NLK: variants seen among roughly 807,000 people sequenced by gnomAD.
The protein encoded by NLK is nemo like kinase, also known as serine/threonine-protein kinase NLK.
NLK carries 11 observed loss-of-function variants against 59.0 expected under a neutral mutation model. The observed-to-expected ratio is 0.19, with a 90% confidence interval of 0.12 to 0.31. The LOEUF (loss-of-function observed/expected upper bound fraction) is 0.31. Among genes scored for constraint, NLK ranks in the 10% least tolerant of loss-of-function variants. The pLI is 1.00. For missense variants in NLK, 410 were observed against 661.1 expected (o/e 0.62, Z 4.16); for synonymous variants, 235 against 235.9 (o/e 1.00, Z 0.03).
At chr17:28,132,872 T>C (rs949984293) in intron 3 of NLK, among the ~76,000 whole-genome samples, 197 bp downstream of exon 3, 4 of 152,216 alleles carry the variant, frequency 2.6e-5, no homozygotes, top group Admixed American at 2.6e-4. Flanking sequence ...TGTGTGGTGA[T>C]GCCACAGAAC....
chr17:28,203,276 G>A, the NLK span, among the ~76,000 whole-genome samples: 39 of 151,876 alleles, frequency 2.6e-4, no homozygotes, highest in African/African-American at 9.4e-4. Context: ...ACAGTACTGG[G>A]ATTACAGGCA....
intron 1 of NLK, among the ~76,000 whole-genome samples, chr17:28,065,268 C>T (rs560608068): frequency 7.9e-5 from 12 of 151,966 alleles, no homozygotes; most frequent in African/African-American, 2.9e-4. Flanking sequence ...TTTTTCTAGG[C>T]AGTGTAGGCC....
rs149290471 is a variant in NLK at position 28,139,623 on chromosome 17, A to G, written c.644+6948A>G. On this transcript the variant is annotated intron_variant, in intron 3 of 10. Transcript: ENST00000407008. ...GGATGAATACAAAGATGCATTGTTCATTTATTTAATTTTTTTAAAAATGTA... is the reference window on the plus strand; with the variant it reads ...GGATGAATACAAAGATGCATTGTTCGTTTATTTAATTTTTTTAAAAATGTA... Among the ~76,000 whole-genome samples, 536 of 152,338 alleles carry G rather than the reference A, an allele frequency of 3.5e-3. 4 individuals are homozygous for G. Among genetic ancestry groups the G allele is most frequent in the South Asian group, 7.0e-3 (34 of 4,832 alleles).
chr17:28,160,952 A>G (rs887812497), intron 3 of NLK, among the ~76,000 whole-genome samples: 7 of 152,270 alleles, frequency 4.6e-5, no homozygotes, highest in African/African-American at 1.7e-4. Flanking sequence ...TTGGTCGTTT[A>G]CTTCTGCTGA....
At chr17:28,153,348 G>T (rs1907567049) in intron 3 of NLK, among the ~76,000 whole-genome samples, 1 of 151,630 alleles carries the variant, frequency 6.6e-6, no homozygotes, top group Non-Finnish European at 1.5e-5. Context: ...ACCATAAACT[G>T]GGTGGTTTAT....
chr17:28,077,073 C>CTTTTTTTTTTTTTTTTTTTTTTTTTTTT (rs35639099), intron 1 of NLK, among the ~76,000 whole-genome samples: 33 of 42,492 alleles, frequency 7.8e-4, no homozygotes, highest in Non-Finnish European at 9.5e-4. Flanking sequence ...CTCTTTCTTT[C>CTTTTTTTTTTTTTTTTTTTTTTTTTTTT]TTTTTTTTTT....
intron 1 of NLK, among the ~76,000 whole-genome samples, chr17:28,064,200 A>T (rs1325294824): frequency 6.0e-5 from 2 of 33,068 alleles, no homozygotes; most frequent in Non-Finnish European, 1.4e-4. Flanking sequence ...TTTTTTTTTT[A>T]AAGAGACAAG....
At chr17:28,139,310 C>T (rs540309871) in intron 3 of NLK, among the ~76,000 whole-genome samples, 64 of 152,302 alleles carry the variant, frequency 4.2e-4, no homozygotes, top group African/African-American at 1.5e-3. Flanking sequence ...CTGATTTTTA[C>T]TCTTTCCCAT....
At chr17:28,101,547 A>C (rs1303676853) in intron 1 of NLK, among the ~76,000 whole-genome samples, 1 of 152,142 alleles carries the variant, frequency 6.6e-6, no homozygotes, top group Admixed American at 6.5e-5. Context: ...TCTTTTGTAA[A>C]CAGAGTTGGG....
chr17:28,057,617 G>C (rs1339300493), intron 1 of NLK, among the ~76,000 whole-genome samples: 3 of 152,166 alleles, frequency 2.0e-5, no homozygotes, highest in Non-Finnish European at 4.4e-5. Context: ...TTTCAAAATA[G>C]TGTAAGATCT....
intron 7 of NLK, 35 bp from the exon 8 acceptor site, chr17:28,185,144 T>C: frequency 7.8e-7 from 1 of 1,285,446 alleles, no homozygotes; most frequent in Non-Finnish European, 1.1e-6. Flanking sequence ...ACACAAAGAC[T>C]CACTTAAATA....
At chr17:28,084,595 G>T (rs1759776482) in intron 1 of NLK, among the ~76,000 whole-genome samples, 1 of 151,282 alleles carries the variant, frequency 6.6e-6, no homozygotes, top group Admixed American at 6.6e-5. Context: ...ATGGAGTCTT[G>T]CTCTGTCACC....
At chr17:28,106,899 A>T (rs1004045066) in intron 1 of NLK, among the ~76,000 whole-genome samples, 2 of 152,236 alleles carry the variant, frequency 1.3e-5, no homozygotes, top group African/African-American at 2.4e-5. Flanking sequence ...AATAGAGCAT[A>T]TATAATGTAC....
At chr17:28,076,476 C>T (rs1910162300) in intron 1 of NLK, among the ~76,000 whole-genome samples, 2 of 152,202 alleles carry the variant, frequency 1.3e-5, no homozygotes, top group Non-Finnish European at 2.9e-5. Flanking sequence ...CAAGGTCCCA[C>T]TTCCTAATAC....
chr17:28,111,848 A>G (rs545321455), intron 1 of NLK, among the ~76,000 whole-genome samples: 1 of 134,172 alleles, frequency 7.5e-6, no homozygotes, highest in South Asian at 2.4e-4. Flanking sequence ...TTTTGAGCTA[A>G]TAAGGCTTAT....
chr17:28,134,877 G>A (rs749331621), intron 3 of NLK, among the ~76,000 whole-genome samples: 9 of 152,226 alleles, frequency 5.9e-5, no homozygotes, highest in Non-Finnish European at 1.0e-4. Context: ...GATTGAGAAA[G>A]TTCTTTTCTC....
intron 3 of NLK, among the ~76,000 whole-genome samples, chr17:28,157,508 A>G (rs945793672): frequency 3.3e-5 from 5 of 151,970 alleles, no homozygotes; most frequent in African/African-American, 4.8e-5. Context: ...TAAACTTTTT[A>G]TAGAGATGGG....
chr17:28,087,197 TACC>T (rs1910546830), intron 1 of NLK, among the ~76,000 whole-genome samples: 1 of 152,238 alleles, frequency 6.6e-6, no homozygotes, highest in Admixed American at 6.5e-5. Context: ...TGAAAATTAC[TACC>T]ACATTTCTAG....
downstream of NLK, among the ~76,000 whole-genome samples, chr17:28,198,307 G>A (rs1433920374): frequency 3.3e-5 from 5 of 151,574 alleles, no homozygotes; most frequent in Non-Finnish European, 2.9e-5. Flanking sequence ...AGCCGAGCAC[G>A]TATACTTTTA....
Sources: allele counts gnomAD v4.1 joint callset (sites outside exome capture counted in the v4.1 genomes callset), GRCh38; gene constraint gnomAD v4.1.1; transcripts MANE v1.5; gene names NCBI Gene and HGNC (gene_info 2026-07-23, HGNC 2026-07-21).